CTNNBL1: variants seen among roughly 807,000 people sequenced by gnomAD.
CTNNBL1 encodes catenin beta like 1, also known as beta-catenin-like protein 1.
CTNNBL1 carries 31 observed loss-of-function variants against 72.7 expected under a neutral mutation model. That is an observed-to-expected ratio of 0.43 (90% confidence interval 0.32 to 0.58). The LOEUF is 0.58. Among genes scored for constraint, CTNNBL1 ranks in the 20% least tolerant of loss-of-function variants. The pLI, the probability that CTNNBL1 is intolerant of heterozygous loss-of-function variation, is 0.08. For synonymous variants in CTNNBL1, 240 were observed against 267.3 expected (o/e 0.90, Z 1.00); for missense variants, 534 against 725.1 (o/e 0.74, Z 3.03).
chr20:37,804,799 G>T (rs2071938778), intron 11 of CTNNBL1, among the ~76,000 whole-genome samples: 2 of 152,248 alleles, frequency 1.3e-5, no homozygotes, highest in South Asian at 4.1e-4. Context: ...TCAGTGAGCA[G>T]CTGCTTTTCT....
chr20:37,817,147 C>T (rs2072067270), intron 11 of CTNNBL1, among the ~76,000 whole-genome samples: 1 of 152,176 alleles, frequency 6.6e-6, no homozygotes. Flanking sequence ...TTTATGTCTG[C>T]TAGGGCCCCC....
At chr20:37,855,917 A>G (rs1340121125) in intron 13 of CTNNBL1, among the ~76,000 whole-genome samples, 4 of 151,378 alleles carry the variant, frequency 2.6e-5, no homozygotes, top group African/African-American at 7.3e-5. Context: ...TTTTTTTTTC[A>G]ATACTGTTTG....
chr20:37,801,862 C>T (rs1260101601), intron 10 of CTNNBL1, among the ~76,000 whole-genome samples: 1 of 152,092 alleles, frequency 6.6e-6, no homozygotes, highest in Non-Finnish European at 1.5e-5. Context: ...GGCGATTAGG[C>T]AATAAAATGA....
intron 11 of CTNNBL1, among the ~76,000 whole-genome samples, chr20:37,806,582 G>A (rs2071962707): frequency 6.6e-6 from 1 of 152,188 alleles, no homozygotes; most frequent in African/African-American, 2.4e-5. Context: ...TTTATGAGGG[G>A]AGTCAAGTGC....
At chr20:37,771,209 G>T (rs919865346) in intron 7 of CTNNBL1, among the ~76,000 whole-genome samples, 3 of 152,160 alleles carry the variant, frequency 2.0e-5, no homozygotes, top group African/African-American at 7.2e-5. Flanking sequence ...CTGGGGGTTT[G>T]TATTAAGATC....
chr20:37,770,030 C>G (rs1444913060), intron 7 of CTNNBL1, among the ~76,000 whole-genome samples: 5 of 152,174 alleles, frequency 3.3e-5, no homozygotes, highest in African/African-American at 1.2e-4. Flanking sequence ...GCTCAGCTAG[C>G]CCAGCTGCTA....
At chr20:37,766,029 A>T (rs2073464730) in intron 6 of CTNNBL1, among the ~76,000 whole-genome samples, 2 of 152,246 alleles carry the variant, frequency 1.3e-5, no homozygotes, top group Admixed American at 1.3e-4. Context: ...CAGTGGAAGC[A>T]GAAAATTTGA....
intron 13 of CTNNBL1, among the ~76,000 whole-genome samples, chr20:37,850,715 G>A (rs773646890): frequency 5.3e-5 from 8 of 152,084 alleles, no homozygotes; most frequent in African/African-American, 9.7e-5. Flanking sequence ...TCCCTCTCCC[G>A]TGGTTCAAGT....
chr20:37,823,135 T>C (rs2072124823), intron 11 of CTNNBL1, among the ~76,000 whole-genome samples: 1 of 152,236 alleles, frequency 6.6e-6, no homozygotes, highest in Non-Finnish European at 1.5e-5. Context: ...TTATCTCCTC[T>C]CTGTGATGAG....
chr20:37,702,849 T>C (rs1464825156), intron 1 of CTNNBL1, among the ~76,000 whole-genome samples: 1 of 152,200 alleles, frequency 6.6e-6, no homozygotes, highest in African/African-American at 2.4e-5. Flanking sequence ...AGTTAATGTC[T>C]AATACATGGT....
rs751223032 is a variant in CTNNBL1 at position 37,802,973 on chromosome 20, C to T, written c.1138C>T (p.Arg380Ter). The change falls in exon 11 of 16, where the codon CGA (arginine) becomes TGA (stop). Residue 380 changes from arginine (R) to a stop codon, truncating the protein, a stop_gained. Coordinates refer to ENST00000361383, the MANE Select transcript of CTNNBL1 (RefSeq NM_030877.5). LOFTEE classifies it high-confidence loss of function. ...TAAGTTTGTTGACATTCTTGGCTTA[C>T]GAACCATCTTTCCCCTCTTTATGAA... ...CHKFVDILGL[R>*]TIFPLFMKSP... is the part of the protein sequence containing the mutation. The T allele has an allele frequency of 5.6e-6, 9 of 1,614,022 alleles. No homozygotes were observed. Among genetic ancestry groups the T allele is most frequent in the South Asian group, 2.2e-5 (2 of 91,080 alleles).
chr20:37,801,051 G>A (rs1481050001), intron 10 of CTNNBL1, among the ~76,000 whole-genome samples: 2 of 152,120 alleles, frequency 1.3e-5, no homozygotes, highest in Non-Finnish European at 2.9e-5. Context: ...TTACTTCCTT[G>A]ACACTAACCA....
intron 7 of CTNNBL1, among the ~76,000 whole-genome samples, chr20:37,774,309 G>T (rs1467468874): frequency 6.6e-6 from 1 of 152,108 alleles, no homozygotes; most frequent in Non-Finnish European, 1.5e-5. Flanking sequence ...AGAGGAAATG[G>T]TGTTGCCCAA....
At chr20:37,742,581 T>C (rs184878308) in intron 3 of CTNNBL1, among the ~76,000 whole-genome samples, 490 of 152,156 alleles carry the variant, frequency 3.2e-3, no homozygotes, top group Admixed American at 6.6e-3. Context: ...ATTTTTCCTT[T>C]GGTTAGATTT....
chr20:37,764,107 C>G (rs189268709), intron 5 of CTNNBL1, among the ~76,000 whole-genome samples: 2 of 152,132 alleles, frequency 1.3e-5, no homozygotes, highest in Non-Finnish European at 2.9e-5. Flanking sequence ...CTTTGAGGAG[C>G]TGCCATGAAC....
intron 1 of CTNNBL1, among the ~76,000 whole-genome samples, chr20:37,721,775 T>A (rs1397208617): frequency 2.0e-5 from 3 of 152,240 alleles, no homozygotes; most frequent in African/African-American, 7.2e-5. Context: ...CATCCATGGA[T>A]CATTTAACTT....
intron 6 of CTNNBL1, among the ~76,000 whole-genome samples, chr20:37,766,757 A>T (rs1023639812): frequency 1.1e-4 from 17 of 152,144 alleles, no homozygotes; most frequent in African/African-American, 4.1e-4. Flanking sequence ...GAGGTGGGAG[A>T]TGGAACTGGA....
intron 13 of CTNNBL1, among the ~76,000 whole-genome samples, chr20:37,858,198 C>CAAACA (rs2072459762): frequency 6.6e-6 from 1 of 152,152 alleles, no homozygotes; most frequent in Admixed American, 6.6e-5. Flanking sequence ...CTGTCTCAAA[C>CAAACA]AAACAAAACA....
At chr20:37,828,564 G>A (rs1300766566) in intron 11 of CTNNBL1, among the ~76,000 whole-genome samples, 2 of 152,192 alleles carry the variant, frequency 1.3e-5, no homozygotes, top group Admixed American at 6.5e-5. Flanking sequence ...CTAATAAAAT[G>A]TGTTTCATAG....
Sources: gnomAD v4.1 joint callset for allele counts (sites outside exome capture counted in the v4.1 genomes callset) on GRCh38, gnomAD v4.1.1 for gene constraint, MANE v1.5 for transcripts, NCBI Gene and HGNC (gene_info 2026-07-23, HGNC 2026-07-21) for gene names.